RTN3: variants seen among roughly 807,000 people sequenced by gnomAD.
RTN3 encodes reticulon-3.
RTN3 carries 49 observed loss-of-function variants against 77.8 expected under a neutral mutation model. That is an observed-to-expected ratio of 0.63 (90% CI 0.50 to 0.80). RTN3 has a LOEUF of 0.80. Among genes scored for constraint, RTN3 ranks in the 30% least tolerant of loss-of-function variants. The pLI is 0.00. For synonymous variants in RTN3, 464 were observed against 446.9 expected (o/e 1.04, Z -0.48); for missense variants, 1,236 against 1,211.9 (o/e 1.02, Z -0.29).
At chr11:63,703,136 T>C (rs1206279617) in intron 1 of RTN3, among the ~76,000 whole-genome samples, 1 of 152,180 alleles carries the variant, frequency 6.6e-6, no homozygotes, top group Non-Finnish European at 1.5e-5. Context: ...ACACAATTTT[T>C]AAAAACAATA....
In RTN3 at chr11:63,750,390, T is replaced by TGGCCAAG. The variant is rs1284226799; in HGVS notation, c.2738+192_2738+193insGGCCAAG. On this transcript the variant is annotated intron_variant, in intron 4 of 8. Transcript: ENST00000377819. The stretch of plus-strand genomic sequence containing the variant: ...TGGCCAAGTTAGAAGCCAAGAACTT[T>TGGCCAAG]TTGACAAATTAGAGGCTCATACTTG... The TGGCCAAG allele has an allele frequency of 8.7e-6, 5 of 575,040 alleles. No homozygotes were observed. In the Admixed American group the frequency reaches 1.6e-4, roughly 18 times the overall value. The allele number at this position is 575,040 out of a possible 1,614,324, so 35.6% of individuals were successfully genotyped here. A position where few individuals can be genotyped will look rare whatever the true frequency, so the allele number is the denominator to read the frequency against.
At chr11:63,684,213 A>T (rs1188221609) in intron 1 of RTN3, among the ~76,000 whole-genome samples, 2 of 131,702 alleles carry the variant, frequency 1.5e-5, no homozygotes, top group African/African-American at 3.0e-5. Context: ...CAGTGGTGCG[A>T]TCTCAGCTCA....
chr11:63,694,138 G>A (rs1161297838), intron 1 of RTN3, among the ~76,000 whole-genome samples: 4 of 151,776 alleles, frequency 2.6e-5, no homozygotes, highest in African/African-American at 9.7e-5. Context: ...GAAGGCTGGG[G>A]TATTAAGATA....
chr11:63,691,313 G>A (rs576915), intron 1 of RTN3, among the ~76,000 whole-genome samples: 1 of 151,682 alleles, frequency 6.6e-6, no homozygotes, highest in African/African-American at 2.4e-5. Context: ...TAGAGGCAGG[G>A]TTTCACCATG....
intron 3 of RTN3, among the ~76,000 whole-genome samples, chr11:63,731,188 A>G (rs571589360): frequency 1.3e-5 from 2 of 151,382 alleles, no homozygotes; most frequent in African/African-American, 2.4e-5. Flanking sequence ...TCAAATGATT[A>G]TTGTGCCTCA....
chr11:63,733,778 C>A (rs1252142601), intron 3 of RTN3, among the ~76,000 whole-genome samples: 1 of 151,550 alleles, frequency 6.6e-6, no homozygotes, highest in Non-Finnish European at 1.5e-5. Flanking sequence ...GTAGTCCCAG[C>A]TACTCGGGAG....
Position 63,719,310 on chromosome 11 carries a change from G to C in RTN3, c.808G>C (p.Asp270His). Residue 270 changes from aspartate (D) to histidine (H), a missense_variant, in exon 3 of 9, where the codon GAT becomes CAT. This residue lies in a region of RTN3 where 1,056 missense variants were observed against 990.4 expected (regional missense o/e 1.07). Transcript: ENST00000377819. ...TAAAGACTCATATAAGGAGAGCACA[G>C]ATGATTTTGGTAGCTGGTCTGTGCA... ...EFKDSYKEST[D>H]DFGSWSVHTD... is the part of the protein sequence containing the mutation. 6.2e-7 allele frequency: 1 copy of C among 1,614,180 alleles called. No individual in the cohort carries two copies.
chr11:63,716,146 C>T (rs945489854), intron 2 of RTN3, among the ~76,000 whole-genome samples: 2 of 152,180 alleles, frequency 1.3e-5, no homozygotes, highest in African/African-American at 4.8e-5. Flanking sequence ...TATACTATTT[C>T]TAAAGCTCAG....
At chr11:63,683,943 CTTTTTTTTTTTTTTT>C (rs35837590) in intron 1 of RTN3, among the ~76,000 whole-genome samples, 8 of 58,952 alleles carry the variant, frequency 1.4e-4, no homozygotes, top group African/African-American at 6.0e-4. Context: ...TCTTTTCTTT[CTTTTTTTTTTTTTTT>C]TTTTTTTTTT....
At position 63,719,504 on chromosome 11, in the gene RTN3, C is replaced by G. The variant is rs201167593; in HGVS notation, c.1002C>G (p.Asn334Lys). The G allele has an allele frequency of 2.8e-5, 45 of 1,614,052 alleles. No individual in the cohort carries two copies. The highest frequency in any genetic ancestry group is 3.1e-5 in the Non-Finnish European group (37 of 1,180,024). Reference sequence around the variant, plus strand: ...CCAGATGCGTGAATGATATGCATAACTTTACTAACGAAATACTGACTTGGG... The same window carrying G: ...CCAGATGCGTGAATGATATGCATAAGTTTACTAACGAAATACTGACTTGGG... ...EVSRCVNDMH[N>K]FTNEILTWDL... is the part of the protein sequence containing the mutation. The change falls in exon 3 of 9, where the codon AAC becomes AAG. Residue 334 changes from asparagine (N) to lysine (K), a missense_variant. Around this residue, in one of 3 missense-constraint regions of RTN3, gnomAD observed 1,056 missense variants for 990.4 expected, o/e 1.07. Coordinates refer to ENST00000377819, the MANE Select transcript of RTN3 (RefSeq NM_001265589.2).
At chr11:63,734,012 A>T (rs772436313) in intron 3 of RTN3, among the ~76,000 whole-genome samples, 1 of 152,340 alleles carries the variant, frequency 6.6e-6, no homozygotes, top group South Asian at 2.1e-4. Flanking sequence ...AAATAAAAAA[A>T]GTTCGATATC....
At chr11:63,687,386 G>A (rs1941428744) in intron 1 of RTN3, among the ~76,000 whole-genome samples, 1 of 152,214 alleles carries the variant, frequency 6.6e-6, no homozygotes, top group Admixed American at 6.5e-5. Context: ...GGAGGCCAAG[G>A]CGGGTGGATC....
At chr11:63,758,121 C>T in intron 8 of RTN3, 35 bp from the exon 9 acceptor site, 7 of 1,429,926 alleles carry the variant, frequency 4.9e-6, no homozygotes, top group Non-Finnish European at 6.8e-6. Context: ...CTAATGTTTT[C>T]ACTTTCTTTC....
At chr11:63,730,333 A>T (rs949776413) in intron 3 of RTN3, among the ~76,000 whole-genome samples, 1 of 152,240 alleles carries the variant, frequency 6.6e-6, no homozygotes, top group South Asian at 2.1e-4. Flanking sequence ...ATCCCAAAAA[A>T]TTTATAAATG....
intron 3 of RTN3, among the ~76,000 whole-genome samples, chr11:63,724,161 T>C (rs1247472623): frequency 6.6e-6 from 1 of 151,608 alleles, no homozygotes; most frequent in Admixed American, 6.6e-5. Context: ...AGCAATCTTG[T>C]TTTTAGGAAT....
At chr11:63,694,324 G>A (rs574113654) in intron 1 of RTN3, among the ~76,000 whole-genome samples, 539 of 152,094 alleles carry the variant, frequency 3.5e-3, no homozygotes, top group African/African-American at 0.013. Flanking sequence ...TTACAGGCAT[G>A]CGCCACCACG....
At chr11:63,738,322 T>C (rs2013263744) in intron 3 of RTN3, among the ~76,000 whole-genome samples, 1 of 152,010 alleles carries the variant, frequency 6.6e-6, no homozygotes, top group Non-Finnish European at 1.5e-5. Flanking sequence ...GAAGGTGGAA[T>C]GAATTGGAGA....
At chr11:63,708,879 AACAT>A (rs757941561) in intron 2 of RTN3, among the ~76,000 whole-genome samples, 14 of 152,340 alleles carry the variant, frequency 9.2e-5, no homozygotes, top group Non-Finnish European at 1.6e-4. Flanking sequence ...TACTTCATAA[AACAT>A]ACAAAGATAT....
chr11:63,701,250 T>C (rs1565307795), intron 1 of RTN3, among the ~76,000 whole-genome samples: 1 of 152,176 alleles, frequency 6.6e-6, no homozygotes, highest in Non-Finnish European at 1.5e-5. Context: ...TGTACAGCTC[T>C]TTTCCAGAAT....
Sources: gnomAD v4.1 joint callset for allele counts (sites outside exome capture counted in the v4.1 genomes callset) on GRCh38, gnomAD v4.1.1 for gene constraint, gnomAD v4.1.1 regional missense constraint, MANE v1.5 for transcripts, NCBI Gene and HGNC (gene_info 2026-07-23, HGNC 2026-07-21) for gene names.